Variants in SNX24 observed in about 807,000 individuals in gnomAD.
The protein encoded by SNX24 is sorting nexin-24.
Under a neutral mutation model 28.7 loss-of-function variants are expected in SNX24, and 22 were observed. That is an observed-to-expected ratio of 0.77 (90% CI 0.55 to 1.10). The LOEUF (loss-of-function observed/expected upper bound fraction) is 1.10, where lower values mean the gene tolerates loss of function less well. Among genes scored for constraint, SNX24 ranks in the 50% least tolerant of loss-of-function variants. The pLI is 0.00. For synonymous variants in SNX24, 69 were observed against 71.5 expected (o/e 0.96, Z 0.18); for missense variants, 221 against 201.1 (o/e 1.10, Z -0.60).
At chr5:122,995,238 TTTC>T (rs1762010698) in intron 3 of SNX24, among the ~76,000 whole-genome samples, 2 of 152,218 alleles carry the variant, frequency 1.3e-5, no homozygotes, top group Admixed American at 6.5e-5. Context: ...TTGACAGTAC[TTTC>T]TTCTTCTTCC....
chr5:123,003,118 A>C (rs1762304354), intron 6 of SNX24, among the ~76,000 whole-genome samples: 1 of 152,204 alleles, frequency 6.6e-6, no homozygotes, highest in South Asian at 2.1e-4. Flanking sequence ...CCTTATGAGC[A>C]GGAGAAAGGG....
intron 1 of SNX24, chr5:122,891,141 G>C (rs1163328695): frequency 1.4e-6 from 2 of 1,459,478 alleles, no homozygotes; most frequent in East Asian, 5.2e-5. Context: ...TTTGACTGTA[G>C]AAAACTTTAC....
chr5:123,010,190 T>C (rs895032555), downstream of SNX24, among the ~76,000 whole-genome samples: 2 of 152,008 alleles, frequency 1.3e-5, no homozygotes, highest in Non-Finnish European at 2.9e-5. Flanking sequence ...TCAACGCACA[T>C]CCAGTTTGTA....
At chr5:122,887,644 T>A (rs973559594) in intron 1 of SNX24, among the ~76,000 whole-genome samples, 7 of 152,196 alleles carry the variant, frequency 4.6e-5, no homozygotes, top group African/African-American at 1.7e-4. Context: ...ACTTCACCAG[T>A]TTTCTCTTCA....
intron 3 of SNX24, among the ~76,000 whole-genome samples, chr5:122,994,676 G>T (rs1305153814): frequency 6.6e-6 from 1 of 152,188 alleles, no homozygotes; most frequent in Non-Finnish European, 1.5e-5. Flanking sequence ...TACAGGGGCT[G>T]TTGGTGGTAA....
intron 3 of SNX24, among the ~76,000 whole-genome samples, chr5:122,952,220 A>T (rs561731310): frequency 9.1e-4 from 139 of 152,296 alleles, no homozygotes; most frequent in African/African-American, 3.3e-3. Flanking sequence ...AAGCATTTCA[A>T]ATAAGGGCTA....
chr5:122,846,033 A>G (rs1023012863), intron 1 of SNX24, among the ~76,000 whole-genome samples: 4 of 151,962 alleles, frequency 2.6e-5, no homozygotes, highest in African/African-American at 9.7e-5. Flanking sequence ...CTGCCCCCTC[A>G]GTCCAGACAG....
intron 1 of SNX24, among the ~76,000 whole-genome samples, chr5:122,914,590 T>G (rs542309334): frequency 4.1e-4 from 62 of 151,194 alleles, no homozygotes; most frequent in African/African-American, 1.4e-3. Context: ...TATTGGTCTA[T>G]TCAGAGATTC....
intron 3 of SNX24, among the ~76,000 whole-genome samples, chr5:122,985,264 A>T (rs1761553586): frequency 6.6e-6 from 1 of 152,114 alleles, no homozygotes; most frequent in Non-Finnish European, 1.5e-5. Context: ...GGCACTGTGG[A>T]TCCTGCCCTG....
chr5:122,928,561 G>A (rs964192717), intron 1 of SNX24, among the ~76,000 whole-genome samples: 24 of 151,950 alleles, frequency 1.6e-4, no homozygotes, highest in Non-Finnish European at 2.1e-4. Flanking sequence ...TGGAGAAAGC[G>A]GCTCATGATT....
At chr5:122,859,329 T>C (rs1755347686) in intron 1 of SNX24, among the ~76,000 whole-genome samples, 1 of 151,944 alleles carries the variant, frequency 6.6e-6, no homozygotes, top group South Asian at 2.1e-4. Context: ...TTTGTCTGGG[T>C]GTGGTAGCTC....
rs188919438 is a variant in SNX24, at chr5:122,997,671, G to A, written c.250-2241G>A. On this transcript the variant is annotated intron_variant, in intron 3 of 6. Coordinates refer to ENST00000261369, the MANE Select transcript of SNX24 (RefSeq NM_014035.4). ...AAGAGATGTCTTCCTCCATACTGCG[G>A]TGATGGATGACACGTCTAAAGATCC... Among the ~76,000 whole-genome samples the A allele has an allele frequency of 4.1e-4, 63 of 152,284 alleles. 1 individual carries two copies. The East Asian group carries it at 8.9e-3, about 21-fold the overall frequency.
chr5:122,891,297 G>T (rs1030999532), intron 1 of SNX24, among the ~76,000 whole-genome samples: 1 of 152,096 alleles, frequency 6.6e-6, no homozygotes, highest in East Asian at 1.9e-4. Flanking sequence ...GTAATTTTAA[G>T]AATTCTTTAA....
intron 1 of SNX24, among the ~76,000 whole-genome samples, chr5:122,865,310 T>A (rs1223268684): frequency 6.7e-6 from 1 of 148,276 alleles, no homozygotes; most frequent in Non-Finnish European, 1.5e-5. Flanking sequence ...TTTGTTTGTT[T>A]GCTTGCTTTT....
chr5:122,942,018 C>G (rs558351462), intron 2 of SNX24, among the ~76,000 whole-genome samples: 102 of 152,300 alleles, frequency 6.7e-4, no homozygotes, highest in African/African-American at 2.4e-3. Context: ...GTCCACACCC[C>G]ACTATGGCCA....
At chr5:122,927,365 A>T (rs914128278) in intron 1 of SNX24, among the ~76,000 whole-genome samples, 2 of 146,772 alleles carry the variant, frequency 1.4e-5, no homozygotes, top group African/African-American at 5.1e-5. Flanking sequence ...TAATTTGTGC[A>T]TATTTGGGAC....
chr5:122,861,594 A>G (rs545786974), intron 1 of SNX24, among the ~76,000 whole-genome samples: 61 of 152,318 alleles, frequency 4.0e-4, no homozygotes, highest in African/African-American at 1.3e-3. Flanking sequence ...GAAGGAGCAG[A>G]AAACCTTCCA....
intron 1 of SNX24, among the ~76,000 whole-genome samples, chr5:122,915,165 C>G (rs544140408): frequency 6.6e-6 from 1 of 152,324 alleles, no homozygotes; most frequent in East Asian, 1.9e-4. Context: ...GTGCTGTTGA[C>G]TCTACCACCT....
At chr5:122,934,678 A>C (rs527433611) in intron 1 of SNX24, among the ~76,000 whole-genome samples, 9 of 152,200 alleles carry the variant, frequency 5.9e-5, no homozygotes, top group Middle Eastern at 3.4e-3. Context: ...AATTGACTCC[A>C]TTTCTTTCTT....
Sources: gnomAD v4.1 joint callset for allele counts (sites outside exome capture counted in the v4.1 genomes callset) on GRCh38, gnomAD v4.1.1 for gene constraint, MANE v1.5 for transcripts, NCBI Gene and HGNC (gene_info 2026-07-23, HGNC 2026-07-21) for gene names.